ELL2: variants seen among roughly 807,000 people sequenced by gnomAD.
ELL2 encodes the protein RNA polymerase II elongation factor ELL2.
Under a neutral mutation model 72.8 loss-of-function variants are expected in ELL2, and 21 were observed. The ratio of observed to expected loss-of-function variants is 0.29; its 90% confidence interval spans 0.20 to 0.42. The LOEUF (loss-of-function observed/expected upper bound fraction) is 0.42. Among genes scored for constraint, ELL2 ranks in the 10% least tolerant of loss-of-function variants. The probability of loss-of-function intolerance (pLI) is 1.00; values close to 1 mark genes in which losing one functional copy is unlikely to be tolerated. For synonymous variants in ELL2, 266 were observed against 283.2 expected (o/e 0.94, Z 0.61); for missense variants, 568 against 772.8 (o/e 0.73, Z 3.14).
intron 5 of ELL2, among the ~76,000 whole-genome samples, chr5:95,904,946 A>G (rs1305784989): frequency 6.6e-6 from 1 of 152,164 alleles, no homozygotes; most frequent in East Asian, 1.9e-4. Context: ...ATATGCTCAA[A>G]AAATGGTCGA....
intron 1 of ELL2, among the ~76,000 whole-genome samples, chr5:95,951,622 T>G (rs928679256): frequency 3.9e-5 from 6 of 152,056 alleles, no homozygotes; most frequent in Non-Finnish European, 5.9e-5. Flanking sequence ...AACTAGAAAT[T>G]AATAAAATGT....
chr5:95,906,709 G>A lies in ELL2; in HGVS notation c.555C>T (p.Pro185=), dbSNP rs1047958136. The change falls in exon 5 of 12, where the codon CCC becomes CCT. Residue 185 remains proline (P), a synonymous_variant. Transcript: ENST00000237853. ...DTVPERKRST[P]MNPANTIRKT... is the part of the protein sequence containing the mutation. ...TTCGAATTGTATTTGCAGGGTTCAT[G>A]GGGGTTGACCTTTTCCTCTCAGGAA... 1 of 1,613,934 alleles carries A rather than the reference G, an allele frequency of 6.2e-7. No individual in the cohort carries two copies.
intron 2 of ELL2, among the ~76,000 whole-genome samples, chr5:95,930,143 T>A (rs1050707536): frequency 1.3e-5 from 2 of 152,276 alleles, no homozygotes; most frequent in South Asian, 4.1e-4. Context: ...AATTTTGTTT[T>A]AAAAAATGGT....
chr5:95,927,023 A>G (rs944492400), intron 2 of ELL2, among the ~76,000 whole-genome samples: 1 of 152,182 alleles, frequency 6.6e-6, no homozygotes, highest in Non-Finnish European at 1.5e-5. Flanking sequence ...TGGTAAGATG[A>G]CATGGATTAA....
intron 4 of ELL2, among the ~76,000 whole-genome samples, chr5:95,907,300 T>A (rs935343072): frequency 7.4e-6 from 1 of 134,438 alleles, no homozygotes; most frequent in African/African-American, 3.2e-5. Context: ...ATATATATTT[T>A]TTTTTTTTAC....
chr5:95,898,328 G>A lies in ELL2; in HGVS notation c.1437C>T (p.Asp479=). 1.2e-6 allele frequency: 2 copies of A among 1,613,614 alleles called. No individual in the cohort carries two copies. The highest frequency in any genetic ancestry group is 2.2e-5 in the South Asian group (2 of 91,040). The change falls in exon 8 of 12, where the codon GAC becomes GAT. Residue 479 remains aspartate, a synonymous_variant. Coordinates refer to ENST00000237853, the MANE Select transcript of ELL2 (RefSeq NM_012081.6). ...HKEKDQIKKH[D]IETIEEKEED... ...CCTCCTTTTCCTCAATAGTCTCAATGTCGTGCTTTTTTATTTGGTCCTTTT... is the reference window on the plus strand; with the variant it reads ...CCTCCTTTTCCTCAATAGTCTCAATATCGTGCTTTTTTATTTGGTCCTTTT...
At chr5:95,923,711 T>A (rs1174272098) in intron 2 of ELL2, among the ~76,000 whole-genome samples, 1 of 152,106 alleles carries the variant, frequency 6.6e-6, no homozygotes, top group Non-Finnish European at 1.5e-5. Context: ...TGCCTTTTCT[T>A]GGTAGTTTCA....
chr5:95,899,820 A>G, intron 7 of ELL2, among the ~76,000 whole-genome samples: 1 of 152,180 alleles, frequency 6.6e-6, no homozygotes, highest in Non-Finnish European at 1.5e-5. Context: ...TTCCACAGAC[A>G]TTGTATATAT....
chr5:95,935,915 T>G (rs1435261044), intron 2 of ELL2, among the ~76,000 whole-genome samples: 2 of 152,234 alleles, frequency 1.3e-5, no homozygotes, highest in African/African-American at 4.8e-5. Flanking sequence ...AATGCAAATC[T>G]GACCACATGA....
At chr5:95,937,457 T>TA (rs1389920263) in intron 2 of ELL2, among the ~76,000 whole-genome samples, 2 of 149,276 alleles carry the variant, frequency 1.3e-5, no homozygotes, top group East Asian at 3.9e-4. Flanking sequence ...AATGAGATTT[T>TA]AAAAAATGTG....
rs142679253 is a variant in ELL2, at chr5:95,924,625, T to C, written c.196-5080A>G. ...TTGTTCAAGATGAAGAATATAAAAATATACCACCATGTCTCGGCAACTGGA... is the reference window on the plus strand; with the variant it reads ...TTGTTCAAGATGAAGAATATAAAAACATACCACCATGTCTCGGCAACTGGA... On this transcript the variant is annotated intron_variant, in intron 2 of 11. Coordinates refer to ENST00000237853, the MANE Select transcript of ELL2 (RefSeq NM_012081.6). Among the ~76,000 whole-genome samples, 8 of 152,250 alleles carry C rather than the reference T, an allele frequency of 5.3e-5. No homozygotes were observed. The East Asian group carries it at 1.5e-3, about 29-fold the overall frequency.
intron 1 of ELL2, among the ~76,000 whole-genome samples, chr5:95,952,669 T>C (rs1406355720): frequency 6.6e-6 from 1 of 152,232 alleles, no homozygotes; most frequent in Non-Finnish European, 1.5e-5. Context: ...AAACACAGTT[T>C]GGATATGTAA....
chr5:95,934,443 A>G (rs1750703554), intron 2 of ELL2, among the ~76,000 whole-genome samples: 1 of 152,094 alleles, frequency 6.6e-6, no homozygotes, highest in Non-Finnish European at 1.5e-5. Context: ...CATTCCCCTA[A>G]TCTGTCCTTT....
intron 3 of ELL2, among the ~76,000 whole-genome samples, chr5:95,917,645 T>A (rs1212332286): frequency 6.6e-6 from 1 of 152,218 alleles, no homozygotes; most frequent in East Asian, 1.9e-4. Context: ...CCTCATTTTA[T>A]AAGGCACCTT....
At chr5:95,935,364 TAAC>T (rs966168436) in intron 2 of ELL2, among the ~76,000 whole-genome samples, 2 of 152,178 alleles carry the variant, frequency 1.3e-5, no homozygotes, top group African/African-American at 4.8e-5. Flanking sequence ...GGGCAAAATT[TAAC>T]AAAAGGAGCT....
At chr5:95,956,848 A>G (rs753583891) in intron 1 of ELL2, among the ~76,000 whole-genome samples, 12 of 152,254 alleles carry the variant, frequency 7.9e-5, no homozygotes, top group African/African-American at 1.2e-4. Flanking sequence ...AATAGCATCT[A>G]AAATTATGAA....
intron 2 of ELL2, among the ~76,000 whole-genome samples, chr5:95,933,161 C>T (rs534213666): frequency 2.0e-5 from 3 of 152,280 alleles, no homozygotes; most frequent in African/African-American, 7.2e-5. Context: ...GTGACTGGCA[C>T]TTTCGAACAG....
At chr5:95,899,774 A>T (rs1334317137) in intron 7 of ELL2, among the ~76,000 whole-genome samples, 1 of 152,190 alleles carries the variant, frequency 6.6e-6, no homozygotes, top group Non-Finnish European at 1.5e-5. Context: ...ATCAGAGTAG[A>T]AGTAGTTTCA....
intron 9 of ELL2, among the ~76,000 whole-genome samples, chr5:95,895,062 A>G (rs74543823): frequency 0.016 from 2,422 of 152,352 alleles, 53 homozygotes; most frequent in African/African-American, 0.056. Flanking sequence ...TGTGATAACC[A>G]GTTACAAAAA....
Sources: gnomAD v4.1 joint callset for allele counts (sites outside exome capture counted in the v4.1 genomes callset) on GRCh38, gnomAD v4.1.1 for gene constraint, MANE v1.5 for transcripts, NCBI Gene and HGNC (gene_info 2026-07-23, HGNC 2026-07-21) for gene names.